SEC22A: variants seen among roughly 807,000 people sequenced by gnomAD.
The protein encoded by SEC22A is vesicle-trafficking protein SEC22a.
In SEC22A, 22 loss-of-function variants were observed where a neutral mutation model predicts 35.3. That is an observed-to-expected ratio of 0.62 (90% CI 0.45 to 0.89). The LOEUF (loss-of-function observed/expected upper bound fraction) is 0.89. SEC22A is among the 40% of genes least tolerant of loss of function. The pLI is 0.00. For missense variants in SEC22A, 354 were observed against 362.5 expected (o/e 0.98, Z 0.19); for synonymous variants, 119 against 129.5 (o/e 0.92, Z 0.55).
chr3:123,203,833 A>G (rs766974381), intron 1 of SEC22A, among the ~76,000 whole-genome samples: 6 of 152,208 alleles, frequency 3.9e-5, no homozygotes, highest in African/African-American at 7.2e-5. Flanking sequence ...ATGTGGCACT[A>G]TAAAAATGTT....
intron 4 of SEC22A, among the ~76,000 whole-genome samples, chr3:123,235,020 CAAAA>C (rs535445052): frequency 7.4e-5 from 9 of 121,634 alleles, no homozygotes; most frequent in African/African-American, 8.6e-5. Flanking sequence ...GACCTTGTCT[CAAAA>C]AAAAAAAAAA....
chr3:123,241,046 C>T (rs1287649416), intron 4 of SEC22A, among the ~76,000 whole-genome samples: 1 of 150,666 alleles, frequency 6.6e-6, no homozygotes, highest in East Asian at 1.9e-4. Flanking sequence ...CACACACATC[C>T]CCTTCATAAT....
At chr3:123,251,644 C>T (rs1465352180) in intron 5 of SEC22A, among the ~76,000 whole-genome samples, 2 of 152,240 alleles carry the variant, frequency 1.3e-5, no homozygotes, top group African/African-American at 4.8e-5. Context: ...TAATGTAGTC[C>T]ACAAGTAGTT....
At chr3:123,262,833 T>C (rs566935996) in intron 6 of SEC22A, among the ~76,000 whole-genome samples, 1 of 152,350 alleles carries the variant, frequency 6.6e-6, no homozygotes, top group African/African-American at 2.4e-5. Context: ...CATATGTGTA[T>C]GGGTAAAGTT....
In SEC22A at chr3:123,246,025, AT is replaced by A; in HGVS notation, c.657+16del. The A allele has an allele frequency of 6.9e-7, 1 of 1,455,816 alleles. No individual in the cohort carries two copies. Among genetic ancestry groups the A allele is most frequent in the East Asian group, 2.3e-5 (1 of 44,146 alleles). 90.2% of individuals were successfully genotyped at this position (1,455,816 alleles called of 1,614,324 possible). On this transcript the variant is annotated intron_variant, in intron 5 of 6. Transcript: ENST00000492595. Reference sequence around the variant, plus strand: ...GAAAGTCTCCTGCAGGTACTGTGCTATTTTTGCAATTTCAGGTGACTGTGCC... The same window carrying A: ...GAAAGTCTCCTGCAGGTACTGTGCTATTTTGCAATTTCAGGTGACTGTGCC...
intron 3 of SEC22A, among the ~76,000 whole-genome samples, chr3:123,224,226 G>A (rs1937180764): frequency 6.6e-6 from 1 of 151,692 alleles, no homozygotes; most frequent in Admixed American, 6.6e-5. Context: ...GCTAGATTTG[G>A]CCTGTGGGCA....
At chr3:123,246,085 T>C in intron 5 of SEC22A, 71 bp downstream of exon 5, 1 of 784,154 alleles carries the variant, frequency 1.3e-6, no homozygotes, top group Middle Eastern at 2.3e-4. Flanking sequence ...TTGATTTGAA[T>C]TGGATTGGGT....
intron 5 of SEC22A, among the ~76,000 whole-genome samples, chr3:123,246,805 G>A (rs1051980174): frequency 6.6e-6 from 1 of 152,068 alleles, no homozygotes; most frequent in Non-Finnish European, 1.5e-5. Flanking sequence ...TCAGCATTAA[G>A]TGCAGAATAC....
intron 2 of SEC22A, among the ~76,000 whole-genome samples, chr3:123,213,532 A>G (rs541648587): frequency 6.6e-6 from 1 of 152,212 alleles, no homozygotes; most frequent in South Asian, 2.1e-4. Flanking sequence ...GTCTCTAATG[A>G]TCTCACTCCT....
intron 4 of SEC22A, among the ~76,000 whole-genome samples, chr3:123,229,811 G>C (rs148944778): frequency 3.3e-5 from 5 of 151,748 alleles, no homozygotes; most frequent in African/African-American, 1.2e-4. Context: ...GCCGTGAGCC[G>C]AGATCGCGCC....
At chr3:123,212,661 ATTTAGT>A (rs1936956281) in intron 2 of SEC22A, among the ~76,000 whole-genome samples, 1 of 152,072 alleles carries the variant, frequency 6.6e-6, no homozygotes. Flanking sequence ...ATTTTGTATC[ATTTAGT>A]TTTAGTTAGT....
intron 6 of SEC22A, among the ~76,000 whole-genome samples, chr3:123,262,431 A>G (rs542773575): frequency 3.3e-5 from 5 of 152,306 alleles, no homozygotes; most frequent in Non-Finnish European, 5.9e-5. Flanking sequence ...CTCACTCTCT[A>G]TGTATGTGCA....
At chr3:123,267,464 C>T (rs1163536674) in intron 6 of SEC22A, among the ~76,000 whole-genome samples, 2 of 152,036 alleles carry the variant, frequency 1.3e-5, no homozygotes, top group Non-Finnish European at 2.9e-5. Context: ...TTTACTAGTT[C>T]AAGACACCTT....
rs1218016836 is a variant in SEC22A at position 123,237,294 on chromosome 3, T to C, written c.542-8605T>C. Among the ~76,000 whole-genome samples the C allele has an allele frequency of 2.6e-5, 4 of 152,126 alleles. No individual in the cohort carries two copies. The East Asian group carries it at 7.7e-4, about 29-fold the overall frequency. ...TAAAAGTAAAATGCTTCTGATTTTC[T>C]CTATTTATTAGGATAGAGAAAAATG... is the stretch of plus-strand genomic sequence containing the variant. On this transcript the variant is annotated intron_variant, in intron 4 of 6. Transcript: ENST00000492595.
Position 123,220,843 on chromosome 3 carries a change from T to C in SEC22A, c.183-2716T>C, listed in dbSNP as rs531555303. Among the ~76,000 whole-genome samples, 234 of 132,098 alleles carry C rather than the reference T, an allele frequency of 1.8e-3. 1 individual carries two copies. The highest frequency in any genetic ancestry group is 3.3e-3 in the Non-Finnish European group (194 of 59,190). 86.7% of individuals were successfully genotyped at this position (132,098 alleles called of 152,430 possible). A position where few individuals can be genotyped will look rare whatever the true frequency, so the allele number is the denominator to read the frequency against. ...TAGGTGGCAAGCCCATTTGGCTGCCTAGGATGGTCTTTAAAAAAGGTCTCA... is the reference window on the plus strand; with the variant it reads ...TAGGTGGCAAGCCCATTTGGCTGCCCAGGATGGTCTTTAAAAAAGGTCTCA... On this transcript the variant is annotated intron_variant, in intron 2 of 6. Coordinates refer to ENST00000492595, the MANE Select transcript of SEC22A (RefSeq NM_012430.5).
intron 2 of SEC22A, among the ~76,000 whole-genome samples, chr3:123,222,125 AT>A (rs35556808): frequency 0.76 from 112,337 of 147,944 alleles, 42,571 homozygotes; most frequent in East Asian, 0.87. Flanking sequence ...GCTTTATAGC[AT>A]TTTTTTTTTT....
At chr3:123,246,671 T>C (rs1937569934) in intron 5 of SEC22A, among the ~76,000 whole-genome samples, 1 of 152,242 alleles carries the variant, frequency 6.6e-6, no homozygotes, top group African/African-American at 2.4e-5. Context: ...TTGTAAACTT[T>C]TTGAAATTTT....
At chr3:123,224,582 G>C (rs1315611148) in intron 3 of SEC22A, among the ~76,000 whole-genome samples, 1 of 152,122 alleles carries the variant, frequency 6.6e-6, no homozygotes, top group African/African-American at 2.4e-5. Flanking sequence ...GATCACTTAA[G>C]GCCAGGAGTT....
At chr3:123,251,130 G>A (rs1225035776) in intron 5 of SEC22A, among the ~76,000 whole-genome samples, 1 of 152,004 alleles carries the variant, frequency 6.6e-6, no homozygotes, top group Non-Finnish European at 1.5e-5. Flanking sequence ...TATTTTGCAG[G>A]GCATTGCAAC....
Sources: allele counts gnomAD v4.1 joint callset (sites outside exome capture counted in the v4.1 genomes callset), GRCh38; gene constraint gnomAD v4.1.1; transcripts MANE v1.5; gene names NCBI Gene and HGNC (gene_info 2026-07-23, HGNC 2026-07-21).